Variants in MINDY2 observed in about 807,000 individuals in gnomAD.
MINDY2 encodes ubiquitin carboxyl-terminal hydrolase MINDY-2.
Under a neutral mutation model 68.2 loss-of-function variants are expected in MINDY2, and 52 were observed. The ratio of observed to expected loss-of-function variants is 0.76; its 90% CI spans 0.61 to 0.96. The LOEUF is 0.96. Ranked by LOEUF, MINDY2 falls within the 40% of genes least tolerant of loss-of-function variation. The pLI is 0.00. For synonymous variants in MINDY2, 372 were observed against 303.0 expected, an observed-to-expected ratio of 1.23 and a Z score of -2.36; for missense variants, 881 against 773.4, an observed-to-expected ratio of 1.14 and a Z score of -1.65.
At chr15:58,796,422 A>G (rs763980435) in intron 2 of MINDY2, among the ~76,000 whole-genome samples, 1 of 152,220 alleles carries the variant, frequency 6.6e-6, no homozygotes, top group Non-Finnish European at 1.5e-5. Flanking sequence ...AGATTGTGGC[A>G]AGACAGTCTT....
intron 2 of MINDY2, among the ~76,000 whole-genome samples, chr15:58,800,902 C>CA (rs1158973071): frequency 6.6e-6 from 1 of 150,494 alleles, no homozygotes; most frequent in Non-Finnish European, 1.5e-5. Context: ...CTAGCTCTCA[C>CA]AAAAAATCAG....
intron 2 of MINDY2, among the ~76,000 whole-genome samples, chr15:58,798,850 G>A (rs1156363774): frequency 1.3e-5 from 2 of 152,162 alleles, no homozygotes; most frequent in Non-Finnish European, 2.9e-5. Flanking sequence ...CTCTAACCAC[G>A]AAAATGTCAG....
chr15:58,803,838 G>A (rs969440237), intron 3 of MINDY2, among the ~76,000 whole-genome samples: 1 of 151,356 alleles, frequency 6.6e-6, no homozygotes, highest in African/African-American at 2.4e-5. Flanking sequence ...GCCGGGCGTG[G>A]TGGCTCACGC....
In MINDY2 at chr15:58,857,912, T is replaced by C. The variant is rs1595794283; in HGVS notation, c.*3302T>C. ...GTTAGTAACCAGTCTTTATTAAAAATATAAAATTTTTCTTCATGTCTAATC... is the reference window on the plus strand; with the variant it reads ...GTTAGTAACCAGTCTTTATTAAAAACATAAAATTTTTCTTCATGTCTAATC... On this transcript the variant is annotated 3_prime_UTR_variant, in exon 9 of 9. Coordinates refer to ENST00000559228, the MANE Select transcript of MINDY2 (RefSeq NM_001040450.3). 6.6e-6 allele frequency: 1 copy of C among 152,140 alleles called. No homozygotes were observed. The highest frequency in any genetic ancestry group is 1.5e-5 in the Non-Finnish European group (1 of 68,034). 9.4% of individuals were successfully genotyped at this position (152,140 alleles called of 1,614,324 possible).
chr15:58,817,486 G>A (rs1272636940), intron 4 of MINDY2, among the ~76,000 whole-genome samples: 4 of 152,212 alleles, frequency 2.6e-5, no homozygotes, highest in African/African-American at 7.2e-5. Context: ...AGCACTTTGG[G>A]AGGCCAAGGC....
At chr15:58,826,942 C>T (rs2031432963) in intron 5 of MINDY2, among the ~76,000 whole-genome samples, 1 of 151,556 alleles carries the variant, frequency 6.6e-6, no homozygotes, top group South Asian at 2.1e-4. Flanking sequence ...CCCTCCTTTC[C>T]TTCCTTTTTT....
intron 3 of MINDY2, among the ~76,000 whole-genome samples, chr15:58,807,049 A>G (rs1903062758): frequency 6.6e-6 from 1 of 152,230 alleles, no homozygotes; most frequent in Admixed American, 6.5e-5. Context: ...ATTATTTCAT[A>G]AAACAGAACT....
In MINDY2 at chr15:58,854,579, A is replaced by G. The variant is rs776411856; in HGVS notation, c.1835A>G (p.Glu612Gly). ...CCACGAGAAAAAGATAAAGAAAAAGAAAAGGAAAAAAATAGCTGTGTTATT... is the reference window on the plus strand; with the variant it reads ...CCACGAGAAAAAGATAAAGAAAAAGGAAAGGAAAAAAATAGCTGTGTTATT... ...KEPREKDKEK[E>G]KEKNSCVIL is the part of the protein sequence containing the mutation. Residue 612 changes from glutamate (E) to glycine (G), a missense_variant, in exon 9 of 9, where the codon GAA becomes GGA. Glu to Gly is a moderately conservative substitution (Grantham distance 98). Coordinates refer to ENST00000559228, the MANE Select transcript of MINDY2 (RefSeq NM_001040450.3). 6 of 1,612,264 alleles carry G rather than the reference A, an allele frequency of 3.7e-6. No individual in the cohort carries two copies. Among genetic ancestry groups the G allele is most frequent in the Non-Finnish European group, 5.1e-6 (6 of 1,179,862 alleles).
intron 2 of MINDY2, among the ~76,000 whole-genome samples, chr15:58,797,397 G>A (rs1481772334): frequency 6.6e-6 from 1 of 152,100 alleles, no homozygotes; most frequent in East Asian, 1.9e-4. Flanking sequence ...AGTCCCTGCT[G>A]CTCAGGAGGT....
At position 58,771,812 on chromosome 15, in the gene MINDY2, C is replaced by G. The variant is rs374830274; in HGVS notation, c.417C>G (p.Cys139Trp). Reference protein sequence around the residue: ...AGARPDLAGTCQAELTAAGSE... With the variant: ...AGARPDLAGTWQAELTAAGSE... ...CCCGCCCGGATCTCGCCGGCACCTG[C>G]CAAGCAGAACTGACCGCCGCCGGCT... The change falls in exon 1 of 9, where the codon TGC (cysteine) becomes TGG (tryptophan). Residue 139 changes from cysteine (C) to tryptophan (W), a missense_variant. Physicochemically the swap from Cys to Trp is radical, Grantham distance 215 (BLOSUM62 -2). Transcript: ENST00000559228. The G allele has an allele frequency of 1.9e-6, 3 of 1,609,708 alleles. No homozygotes were observed. The highest frequency in any genetic ancestry group is 2.5e-6 in the Non-Finnish European group (3 of 1,178,672).
At chr15:58,802,430 T>C in intron 3 of MINDY2, 53 bp downstream of exon 3, 1 of 1,168,774 alleles carries the variant, frequency 8.6e-7, no homozygotes, top group South Asian at 1.5e-5. Context: ...AATATATACA[T>C]TGGTTTCTAT....
rs1453266330 is a variant in MINDY2, at chr15:58,859,815, GA to G, written c.*5207del. Reference sequence around the variant, plus strand: ...GTGATACGCATATATTTTTTTACATGAAGGATTCTACTTTCTAATTTTACTT... The same window carrying G: ...GTGATACGCATATATTTTTTTACATGAGGATTCTACTTTCTAATTTTACTT... On this transcript the variant is annotated 3_prime_UTR_variant, in exon 9 of 9. Transcript: ENST00000559228. 6.6e-6 allele frequency: 1 copy of G among 152,066 alleles called. No individual in the cohort carries two copies. Among genetic ancestry groups the G allele is most frequent in the Non-Finnish European group, 1.5e-5 (1 of 67,998 alleles). The allele number at this position is 152,066 out of a possible 1,614,324, so 9.4% of individuals were successfully genotyped here.
chr15:58,789,493 A>C (rs1371278133), intron 2 of MINDY2, among the ~76,000 whole-genome samples: 1 of 150,738 alleles, frequency 6.6e-6, no homozygotes, highest in African/African-American at 2.4e-5. Flanking sequence ...GTCTTACTCT[A>C]TTGCCCAGGC....
intron 2 of MINDY2, chr15:58,796,287 T>G (rs1902281201): frequency 1.9e-5 from 7 of 361,644 alleles, no homozygotes; most frequent in South Asian, 1.5e-4. Context: ...TTGGAAACTA[T>G]CTTAAGCTCA....
rs562378852 is a variant in MINDY2 at position 58,850,474 on chromosome 15, ATAT to A, written c.1543-1293_1543-1291del. ...TAACAGTAGTTATCTCTATGTAATG[ATAT>A]TATGGTGATTTAAACTTTGTTGTTT... On this transcript the variant is annotated intron_variant, in intron 7 of 8. Transcript: ENST00000559228. 2.1e-3 allele frequency among the ~76,000 whole-genome samples: 320 copies of A among 152,244 alleles called. 1 individual carries two copies. The highest frequency in any genetic ancestry group is 7.5e-3 in the African/African-American group (312 of 41,536).
chr15:58,812,211 G>C (rs59599149), intron 4 of MINDY2, among the ~76,000 whole-genome samples: 5 of 152,168 alleles, frequency 3.3e-5, no homozygotes, highest in Non-Finnish European at 5.9e-5. Context: ...GCCGAGGCGG[G>C]TGGATCATGA....
intron 4 of MINDY2, among the ~76,000 whole-genome samples, chr15:58,820,394 A>C (rs1362975372): frequency 1.3e-5 from 2 of 151,456 alleles, no homozygotes; most frequent in Admixed American, 6.6e-5. Flanking sequence ...CAGTGAGCCG[A>C]GGTCACACCA....
At chr15:58,795,870 CAG>C (rs1182875786) in intron 2 of MINDY2, among the ~76,000 whole-genome samples, 1 of 151,738 alleles carries the variant, frequency 6.6e-6, no homozygotes, top group African/African-American at 2.4e-5. Flanking sequence ...AAGTAGAGGA[CAG>C]AGAAATAGTG....
intron 2 of MINDY2, among the ~76,000 whole-genome samples, chr15:58,801,884 C>G (rs1455118941): frequency 1.3e-5 from 2 of 152,226 alleles, no homozygotes; most frequent in Non-Finnish European, 2.9e-5. Flanking sequence ...TCCCAAAGTG[C>G]TGGGATCACA....
Sources: gnomAD v4.1 joint callset for allele counts (sites outside exome capture counted in the v4.1 genomes callset) on GRCh38, gnomAD v4.1.1 for gene constraint, MANE v1.5 for transcripts, NCBI Gene and HGNC (gene_info 2026-07-23, HGNC 2026-07-21) for gene names.